TMCO1: variants seen among roughly 807,000 people sequenced by gnomAD.
TMCO1 encodes transmembrane and coiled-coil domains 1.
TMCO1 carries 29 observed loss-of-function variants against 29.3 expected under a neutral mutation model. That is an observed-to-expected ratio of 0.99 (90% CI 0.74 to 1.35). TMCO1 has a LOEUF of 1.35. Among genes scored for constraint, TMCO1 ranks in the 40% most tolerant of loss-of-function variants. The probability of loss-of-function intolerance (pLI) is 0.00; values close to 1 mark genes in which losing one functional copy is unlikely to be tolerated. For missense variants in TMCO1, 173 were observed against 225.5 expected (o/e 0.77, Z 1.49); for synonymous variants, 80 against 77.1 (o/e 1.04, Z -0.20).
chr1:165,766,761 A>T (rs147290029), intron 2 of TMCO1, among the ~76,000 whole-genome samples: 1 of 135,404 alleles, frequency 7.4e-6, no homozygotes, highest in Non-Finnish European at 1.7e-5. Context: ...CCTGTCTCAA[A>T]AAATAAATAA....
chr1:165,729,119 A>C (rs1172435665), intron 6 of TMCO1, among the ~76,000 whole-genome samples: 2 of 151,174 alleles, frequency 1.3e-5, no homozygotes, highest in African/African-American at 4.9e-5. Context: ...AAAAAAAAAA[A>C]AAAAAAAACC....
intron 2 of TMCO1, among the ~76,000 whole-genome samples, chr1:165,760,758 G>A (rs1246090777): frequency 2.6e-5 from 4 of 151,832 alleles, no homozygotes; most frequent in African/African-American, 9.7e-5. Context: ...CCAAGATCTC[G>A]CCACTGAACT....
chr1:165,735,935 C>G (rs1490526391), intron 6 of TMCO1, among the ~76,000 whole-genome samples: 1 of 152,210 alleles, frequency 6.6e-6, no homozygotes, highest in African/African-American at 2.4e-5. Flanking sequence ...TTGAGTGCTG[C>G]TATGGTCTGA....
intron 3 of TMCO1, among the ~76,000 whole-genome samples, chr1:165,756,910 T>C (rs1652211552): frequency 6.6e-6 from 1 of 151,554 alleles, no homozygotes; most frequent in South Asian, 2.1e-4. Flanking sequence ...AAAGTAAGGG[T>C]TAGATAATAA....
Position 165,765,900 on chromosome 1 carries a change from C to G in TMCO1, c.148+2292G>C, listed in dbSNP as rs140471931. On this transcript the variant is annotated intron_variant, in intron 2 of 6. Transcript: ENST00000367881. The stretch of plus-strand genomic sequence containing the variant: ...TAGGCTTTTAAAAAGATTATTCTGG[C>G]TGTCATCTTGAGAACAGACTTCAGG... Among the ~76,000 whole-genome samples, 1,067 of 152,292 alleles carry G rather than the reference C, an allele frequency of 7.0e-3. 12 individuals are homozygous for G. The highest frequency in any genetic ancestry group is 0.024 in the Middle Eastern group (7 of 294).
intron 3 of TMCO1, 52 bp downstream of exon 3, chr1:165,759,473 T>G (rs1652321003): frequency 2.4e-6 from 3 of 1,251,602 alleles, no homozygotes; most frequent in Non-Finnish European, 3.5e-6. Context: ...TATCTAAGAA[T>G]TAATTTTTTT....
At chr1:165,765,853 G>A (rs1447982517) in intron 2 of TMCO1, among the ~76,000 whole-genome samples, 1 of 152,178 alleles carries the variant, frequency 6.6e-6, no homozygotes, top group Admixed American at 6.5e-5. Flanking sequence ...CTTTTCTGCT[G>A]AGTGAAAGGG....
At chr1:165,751,069 G>A (rs950660109) in intron 5 of TMCO1, among the ~76,000 whole-genome samples, 3 of 152,092 alleles carry the variant, frequency 2.0e-5, no homozygotes, top group African/African-American at 2.4e-5. Flanking sequence ...ACTCTGTCCC[G>A]AACAACAACA....
intron 6 of TMCO1, among the ~76,000 whole-genome samples, chr1:165,730,350 C>G (rs1364523486): frequency 3.0e-5 from 1 of 33,362 alleles, no homozygotes; most frequent in Non-Finnish European, 6.6e-5. Context: ...AAAAACAAAA[C>G]AAAACAAAAA....
chr1:165,760,243 T>C (rs1261711508), intron 2 of TMCO1, among the ~76,000 whole-genome samples: 15 of 151,638 alleles, frequency 9.9e-5, no homozygotes, highest in Non-Finnish European at 4.4e-5. Flanking sequence ...CTGGCCAACA[T>C]ATAGTGAAAC....
Position 165,728,110 on chromosome 1 carries a change from C to G in TMCO1, c.480G>C (p.Lys160Asn). Reference protein sequence around the residue: ...CTMSIRQNIQKILGLAPSRAA... With the variant: ...CTMSIRQNIQNILGLAPSRAA... The stretch of plus-strand genomic sequence containing the variant: ...CTCGTGAAGGGGCAAGGCCGAGAAT[C>G]TTCTGAATGTTCTGTGAAGAAAGCA... The change falls in exon 7 of 7, where the codon AAG (lysine) becomes AAC (asparagine). Residue 160 changes from lysine to asparagine, a missense_variant. Coordinates refer to ENST00000367881, the MANE Select transcript of TMCO1 (RefSeq NM_019026.6). The G allele has an allele frequency of 6.2e-7, 1 of 1,607,782 alleles. No homozygotes were observed. The highest frequency in any genetic ancestry group is 8.5e-7 in the Non-Finnish European group (1 of 1,175,994).
At position 165,737,662 on chromosome 1, in the gene TMCO1, T is replaced by C. The variant is rs184148883; in HGVS notation, c.468+5505A>G. Among the ~76,000 whole-genome samples the C allele has an allele frequency of 1.3e-3, 192 of 152,130 alleles. 1 individual carries two copies. The highest frequency in any genetic ancestry group is 4.0e-3 in the African/African-American group (165 of 41,498). On this transcript the variant is annotated intron_variant, in intron 6 of 6. Coordinates refer to ENST00000367881, the MANE Select transcript of TMCO1 (RefSeq NM_019026.6). Reference sequence around the variant, plus strand: ...GACATGAAGAACTTTTCAGAAACAATGGAGGCCAGAAAACAGTGGAAAGGC... The same window carrying C: ...GACATGAAGAACTTTTCAGAAACAACGGAGGCCAGAAAACAGTGGAAAGGC...
At chr1:165,765,036 C>G (rs1652518967) in intron 2 of TMCO1, among the ~76,000 whole-genome samples, 1 of 152,128 alleles carries the variant, frequency 6.6e-6, no homozygotes. Flanking sequence ...TTCAAGTCAA[C>G]AAATGTTTGT....
Position 165,767,808 on chromosome 1 carries a change from T to C in TMCO1, c.148+384A>G, listed in dbSNP as rs763991611. Among the ~76,000 whole-genome samples the C allele has an allele frequency of 7.9e-5, 12 of 152,176 alleles. No homozygotes were observed. The South Asian group carries it at 8.3e-4, about 11-fold the overall frequency. On this transcript the variant is annotated intron_variant, in intron 2 of 6. Transcript: ENST00000367881. The stretch of plus-strand genomic sequence containing the variant: ...GATCCTCATGCCTCAGTCTCCCAAA[T>C]AGCTGGGACTATAGGTGTGTACCAC...
At chr1:165,746,280 G>A (rs1468618937) in intron 5 of TMCO1, among the ~76,000 whole-genome samples, 3 of 145,140 alleles carry the variant, frequency 2.1e-5, no homozygotes, top group African/African-American at 7.8e-5. Flanking sequence ...CTGCACTCCA[G>A]CCTGGGCGAC....
chr1:165,746,863 A>G (rs529793484), intron 5 of TMCO1, among the ~76,000 whole-genome samples: 1 of 152,302 alleles, frequency 6.6e-6, no homozygotes, highest in East Asian at 1.9e-4. Context: ...AAAGATGACA[A>G]TATTATTTGT....
chr1:165,731,871 TG>T, intron 6 of TMCO1, among the ~76,000 whole-genome samples: 1 of 152,370 alleles, frequency 6.6e-6, no homozygotes, highest in Non-Finnish European at 1.5e-5. Flanking sequence ...AGACCCGTTT[TG>T]GGAACACTAA....
chr1:165,755,377 A>C (rs1370608183), intron 3 of TMCO1, among the ~76,000 whole-genome samples: 1 of 152,116 alleles, frequency 6.6e-6, no homozygotes, highest in African/African-American at 2.4e-5. Context: ...CTCATATTTA[A>C]ATCCAAGTCA....
At chr1:165,751,937 A>T (rs1652005915) in intron 5 of TMCO1, among the ~76,000 whole-genome samples, 165 bp downstream of exon 5, 1 of 152,152 alleles carries the variant, frequency 6.6e-6, no homozygotes, top group South Asian at 2.1e-4. Context: ...GTGAAGCAAA[A>T]CATTAACAAC....
Sources: allele counts gnomAD v4.1 joint callset (sites outside exome capture counted in the v4.1 genomes callset), GRCh38; gene constraint gnomAD v4.1.1; transcripts MANE v1.5; gene names NCBI Gene and HGNC (gene_info 2026-07-23, HGNC 2026-07-21).